The following MYT1L variants were observed in gnomAD, a reference collection of about 807,000 sequenced individuals.
MYT1L encodes myelin transcription factor 1-like protein.
In MYT1L, 12 loss-of-function variants were observed where a neutral mutation model predicts 126.7. The ratio of observed to expected loss-of-function variants is 0.09; its 90% confidence interval spans 0.06 to 0.15. The LOEUF (loss-of-function observed/expected upper bound fraction) is 0.15. MYT1L is among the 10% of genes least tolerant of loss of function. The probability of loss-of-function intolerance (pLI) is 1.00; values close to 1 mark genes in which losing one functional copy is unlikely to be tolerated. For synonymous variants in MYT1L, 541 were observed against 604.2 expected (o/e 0.90, Z 1.53); for missense variants, 979 against 1,585.2 (o/e 0.62, Z 6.49).
intron 23 of MYT1L, chr2:1,800,326 C>T (rs553369684): frequency 1.3e-5 from 2 of 152,412 alleles, no homozygotes; most frequent in South Asian, 4.1e-4. Flanking sequence ...GAAATTCCAA[C>T]CTGTGTTGGG....
intron 1 of MYT1L, among the ~76,000 whole-genome samples, chr2:2,312,739 C>T (rs985634884): frequency 6.6e-6 from 1 of 152,130 alleles, no homozygotes; most frequent in East Asian, 1.9e-4. Context: ...GAGACAAAGT[C>T]GGCATTAGGC....
chr2:1,874,082 T>C (rs564858740), intron 18 of MYT1L, among the ~76,000 whole-genome samples: 90 of 151,896 alleles, frequency 5.9e-4, no homozygotes, highest in African/African-American at 1.9e-3. Flanking sequence ...AGGACACAGA[T>C]CCAGGGGTTT....
chr2:2,282,638 T>G (rs2095464555), intron 2 of MYT1L, among the ~76,000 whole-genome samples: 1 of 152,252 alleles, frequency 6.6e-6, no homozygotes, highest in Non-Finnish European at 1.5e-5. Flanking sequence ...AGGTAAAGAA[T>G]GGTTATTAAA....
intron 1 of MYT1L, among the ~76,000 whole-genome samples, chr2:2,301,950 G>A (rs1348957710): frequency 1.3e-5 from 2 of 151,772 alleles, no homozygotes; most frequent in Admixed American, 6.6e-5. Flanking sequence ...TATATTATGT[G>A]TCAGGCACTA....
intron 1 of MYT1L, among the ~76,000 whole-genome samples, chr2:2,322,289 C>G (rs2096181156): frequency 6.6e-6 from 1 of 151,662 alleles, no homozygotes; most frequent in African/African-American, 2.4e-5. Context: ...ACACAGGGTA[C>G]TTAAGTCAAA....
chr2:1,991,876 T>C (rs2149572114), intron 5 of MYT1L, among the ~76,000 whole-genome samples: 1 of 152,242 alleles, frequency 6.6e-6, no homozygotes, highest in African/African-American at 2.4e-5. Context: ...AATTTCCATC[T>C]CTCGGGTTCA....
chr2:2,012,980 G>T lies in MYT1L; in HGVS notation c.-157-15633C>A, dbSNP rs143027652. Among the ~76,000 whole-genome samples, 852 of 152,230 alleles carry T rather than the reference G, an allele frequency of 5.6e-3. 10 individuals are homozygous for T. The highest frequency in any genetic ancestry group is 0.019 in the African/African-American group (775 of 41,516). On this transcript the variant is annotated intron_variant, in intron 4 of 24. Coordinates refer to ENST00000647738, the MANE Select transcript of MYT1L (RefSeq NM_001303052.2). ...AAATTAAACTTTACCGCAAATATGT[G>T]TGTATGTGAAAAAACATAGTATATG... is the stretch of plus-strand genomic sequence containing the variant.
At chr2:1,963,955 G>A (rs2059147103) in intron 8 of MYT1L, among the ~76,000 whole-genome samples, 1 of 152,190 alleles carries the variant, frequency 6.6e-6, no homozygotes. Context: ...ACATTCACAA[G>A]TCGGCTGTTT....
intron 8 of MYT1L, among the ~76,000 whole-genome samples, chr2:1,956,538 TATCTATCTATC>T (rs1173941756): frequency 6.8e-6 from 1 of 147,554 alleles, no homozygotes; most frequent in Admixed American, 6.7e-5. Context: ...TCTATCTATC[TATCTATCTATC>T]ATCTATCCTA....
At chr2:2,241,275 T>TTGTGTG (rs35742332) in intron 2 of MYT1L, among the ~76,000 whole-genome samples, 3 of 150,850 alleles carry the variant, frequency 2.0e-5, no homozygotes, top group East Asian at 2.0e-4. Context: ...AATACATCTT[T>TTGTGTG]TGTGTGTGTG....
At position 2,027,275 on chromosome 2, in the gene MYT1L, A is replaced by G. The variant is rs552126650; in HGVS notation, c.-158+26703T>C. On this transcript the variant is annotated intron_variant, in intron 4 of 24. Transcript: ENST00000647738. The stretch of plus-strand genomic sequence containing the variant: ...ACCCTCCCGGCTGGTGAGTGCTTCC[A>G]GGCACCTCTCTGCCCAGCCCAGCAA... Among the ~76,000 whole-genome samples, 4 of 152,298 alleles carry G rather than the reference A, an allele frequency of 2.6e-5. 1 individual carries two copies. In the South Asian group the frequency reaches 8.3e-4, roughly 32 times the overall value.
At chr2:2,155,331 T>A (rs998959765) in intron 3 of MYT1L, among the ~76,000 whole-genome samples, 4 of 152,212 alleles carry the variant, frequency 2.6e-5, no homozygotes, top group Non-Finnish European at 4.4e-5. Flanking sequence ...GAGCAAAGCC[T>A]CTGCCTTTCT....
intron 2 of MYT1L, among the ~76,000 whole-genome samples, chr2:2,266,703 G>A (rs2095138301): frequency 6.6e-6 from 1 of 152,130 alleles, no homozygotes; most frequent in South Asian, 2.1e-4. Flanking sequence ...ACATGTTGTG[G>A]GAGGGACCTG....
chr2:2,317,430 A>G (rs2096085097), intron 1 of MYT1L, among the ~76,000 whole-genome samples: 1 of 151,982 alleles, frequency 6.6e-6, no homozygotes, highest in Admixed American at 6.6e-5. Flanking sequence ...CTCACTTTAA[A>G]CAAGGGCACC....
chr2:2,046,595 A>G (rs1179213403), intron 4 of MYT1L, among the ~76,000 whole-genome samples: 1 of 152,222 alleles, frequency 6.6e-6, no homozygotes, highest in Non-Finnish European at 1.5e-5. Context: ...TTCCTGGCAT[A>G]CAGAAAAGGA....
chr2:2,256,237 G>A (rs2094809566), intron 2 of MYT1L, among the ~76,000 whole-genome samples: 1 of 152,208 alleles, frequency 6.6e-6, no homozygotes, highest in African/African-American at 2.4e-5. Flanking sequence ...GCAGGCCGAG[G>A]CCAGTGTGGG....
At chr2:1,823,551 T>A (rs2038868280) in intron 21 of MYT1L, among the ~76,000 whole-genome samples, 1 of 152,108 alleles carries the variant, frequency 6.6e-6, no homozygotes, top group Non-Finnish European at 1.5e-5. Flanking sequence ...GGGGCTTGGG[T>A]CAGGCTCCTG....
At chr2:2,114,921 G>A (rs1407301878) in intron 3 of MYT1L, among the ~76,000 whole-genome samples, 2 of 152,206 alleles carry the variant, frequency 1.3e-5, no homozygotes, top group African/African-American at 4.8e-5. Context: ...GCTGTGTGTT[G>A]TTCAATCAGA....
chr2:2,264,429 A>T (rs934314774), intron 2 of MYT1L, among the ~76,000 whole-genome samples: 2 of 152,118 alleles, frequency 1.3e-5, no homozygotes, highest in East Asian at 1.9e-4. Context: ...ATAATACTCA[A>T]ATTTGCAAAG....
Sources: allele counts gnomAD v4.1 joint callset (sites outside exome capture counted in the v4.1 genomes callset), GRCh38; gene constraint gnomAD v4.1.1; transcripts MANE v1.5; gene names NCBI Gene and HGNC (gene_info 2026-07-23, HGNC 2026-07-21).